The following ALDH1L1 variants were observed in gnomAD, a reference collection of about 807,000 sequenced individuals.
ALDH1L1 encodes aldehyde dehydrogenase 1 family member L1, also known as cytosolic 10-formyltetrahydrofolate dehydrogenase.
ALDH1L1 carries 68 observed loss-of-function variants against 101.1 expected under a neutral mutation model. The observed-to-expected ratio is 0.67, with a 90% CI of 0.55 to 0.82. ALDH1L1 has a LOEUF of 0.82. ALDH1L1 is among the 40% of genes least tolerant of loss of function. The pLI is 0.00. For missense variants in ALDH1L1, 1,087 were observed against 1,172.7 expected (o/e 0.93, Z 1.07); for synonymous variants, 486 against 470.8 (o/e 1.03, Z -0.42).
At chr3:126,125,589 C>T in intron 15 of ALDH1L1, 27 bp downstream of exon 15, 1 of 1,477,740 alleles carries the variant, frequency 6.8e-7, no homozygotes, top group South Asian at 1.4e-5. Flanking sequence ...GGCCTGCAGG[C>T]CCTGTCCAGA....
At chr3:126,133,576 G>A (rs1056328889) in intron 12 of ALDH1L1, among the ~76,000 whole-genome samples, 2 of 152,198 alleles carry the variant, frequency 1.3e-5, no homozygotes, top group East Asian at 3.8e-4. Context: ...CATCACCCGA[G>A]TGCACTATTC....
At chr3:126,153,248 T>C (rs2080839618) in intron 7 of ALDH1L1, 196 bp downstream of exon 7, 1 of 772,320 alleles carries the variant, frequency 1.3e-6, no homozygotes, top group Non-Finnish European at 2.1e-6. Context: ...AACAGAGAAG[T>C]GGGTAAACTG....
At chr3:126,144,233 C>T (rs1380984465) in intron 9 of ALDH1L1, among the ~76,000 whole-genome samples, 1 of 152,100 alleles carries the variant, frequency 6.6e-6, no homozygotes, top group African/African-American at 2.4e-5. Context: ...AAATAGAAAG[C>T]CATCTGTGTT....
intron 6 of ALDH1L1, 90 bp downstream of exon 6, chr3:126,154,464 A>G (rs1270865126): frequency 7.5e-7 from 1 of 1,334,472 alleles, no homozygotes; most frequent in East Asian, 2.3e-5. Context: ...GCTATTTATT[A>G]TACCAACCAG....
intron 16 of ALDH1L1, among the ~76,000 whole-genome samples, chr3:126,121,421 T>G (rs2080077241): frequency 6.6e-6 from 1 of 152,152 alleles, no homozygotes; most frequent in African/African-American, 2.4e-5. Context: ...AAAAACAACT[T>G]GGCAATTGTT....
chr3:126,159,251 A>T, intron 2 of ALDH1L1: 2 of 371,732 alleles, frequency 5.4e-6, no homozygotes, highest in Admixed American at 3.5e-5. Flanking sequence ...CACACACCCC[A>T]GAGGACCAGA....
intron 14 of ALDH1L1, among the ~76,000 whole-genome samples, chr3:126,126,780 G>T (rs2080195550): frequency 6.6e-6 from 1 of 152,230 alleles, no homozygotes; most frequent in Admixed American, 6.5e-5. Context: ...AATCTCCAGA[G>T]TCTAATGGCA....
At chr3:126,114,896 C>T (rs898863079) in intron 17 of ALDH1L1, 4 of 575,594 alleles carry the variant, frequency 6.9e-6, no homozygotes, top group Non-Finnish European at 9.9e-6. Flanking sequence ...CTTCCTGCTG[C>T]CCACTCCACA....
intron 22 of ALDH1L1, chr3:126,105,415 G>A: frequency 2.5e-6 from 1 of 398,200 alleles, no homozygotes; most frequent in Non-Finnish European, 4.8e-6. Flanking sequence ...GGTCTTCATG[G>A]CCAACTCCTC....
At chr3:126,186,863 C>T (rs1156556995) in intron 1 of ALDH1L1, among the ~76,000 whole-genome samples, 4 of 152,110 alleles carry the variant, frequency 2.6e-5, no homozygotes, top group Admixed American at 6.5e-5. Context: ...GAAGTAGCTG[C>T]AAAAGTGCTG....
Position 126,131,424 on chromosome 3 carries a change from T to C in ALDH1L1, c.1583A>G (p.Gln528Arg), listed in dbSNP as rs866451446. ...CCAGCCAGCAAAGTAGCGGAAGGTC[T>C]GGATGGACATGCCCACGTGGGTCTT... ...ALKTHVGMSIQTFRYFAGWCD... is the reference protein window; with the variant it reads ...ALKTHVGMSIRTFRYFAGWCD... Residue 528 changes from glutamine (Q) to arginine (R), a missense_variant, in exon 13 of 23, where the codon CAG (glutamine) becomes CGG (arginine). Transcript: ENST00000393434. 1 of 1,612,618 alleles carries C rather than the reference T, an allele frequency of 6.2e-7. No individual in the cohort carries two copies. Among genetic ancestry groups the C allele is most frequent in the African/African-American group, 1.3e-5 (1 of 75,044 alleles).
intron 4 of ALDH1L1, chr3:126,156,559 G>C (rs4646706): frequency 0.22 from 33,834 of 152,236 alleles, 4,407 homozygotes; most frequent in East Asian, 0.33. Flanking sequence ...GCCTGTCCTC[G>C]GGCAGGGGCA....
chr3:126,172,756 AC>A (rs751360112), intron 1 of ALDH1L1, among the ~76,000 whole-genome samples: 5 of 151,568 alleles, frequency 3.3e-5, no homozygotes, highest in East Asian at 1.9e-4. Context: ...GATAAAGATC[AC>A]CCCCCACCCC....
At chr3:126,155,946 TGGGAAAGGAATCAGAGA>T (rs2080895385) in intron 4 of ALDH1L1, 1 of 152,226 alleles carries the variant, frequency 6.6e-6, no homozygotes, top group African/African-American at 2.4e-5. Context: ...AGGAAGGTGG[TGGGAAAGGAATCAGAGA>T]GGGAGAAGGA....
In ALDH1L1 at chr3:126,112,237, G is replaced by A. The variant is rs1191811214; in HGVS notation, c.2181+545C>T. Reference sequence around the variant, plus strand: ...CCACCAGATCCCCGAGGCCATGCAAGGTGGCTGCAGAGCCTGACGGGAGCT... The same window carrying A: ...CCACCAGATCCCCGAGGCCATGCAAAGTGGCTGCAGAGCCTGACGGGAGCT... On this transcript the variant is annotated intron_variant, in intron 19 of 22. Transcript: ENST00000393434. 2.0e-5 allele frequency among the ~76,000 whole-genome samples: 3 copies of A among 152,344 alleles called. No homozygotes were observed. The East Asian group carries it at 5.8e-4, about 29-fold the overall frequency.
At chr3:126,106,464 G>A (rs1945874493) in intron 21 of ALDH1L1, among the ~76,000 whole-genome samples, 1 of 152,204 alleles carries the variant, frequency 6.6e-6, no homozygotes, top group Non-Finnish European at 1.5e-5. Context: ...GTGACAGCAT[G>A]GGCCTCAGTG....
intron 9 of ALDH1L1, among the ~76,000 whole-genome samples, chr3:126,141,592 A>G (rs924447058): frequency 6.6e-6 from 1 of 152,100 alleles, no homozygotes; most frequent in African/African-American, 2.4e-5. Flanking sequence ...GAGCTAGCAC[A>G]CTCTTAAACA....
upstream of ALDH1L1, among the ~76,000 whole-genome samples, chr3:126,182,596 T>C (rs370797837): frequency 3.3e-5 from 5 of 152,128 alleles, no homozygotes; most frequent in Non-Finnish European, 5.9e-5. Context: ...ATATAATCTG[T>C]AGGAAAACTG....
At chr3:126,154,820 A>G (rs1325647031) in intron 5 of ALDH1L1, among the ~76,000 whole-genome samples, 177 bp from the exon 6 acceptor site, 2 of 152,156 alleles carry the variant, frequency 1.3e-5, no homozygotes, top group African/African-American at 4.8e-5. Flanking sequence ...TCTGACCCTC[A>G]GTCTCTCATG....
Sources: gnomAD v4.1 joint callset for allele counts (sites outside exome capture counted in the v4.1 genomes callset) on GRCh38, gnomAD v4.1.1 for gene constraint, MANE v1.5 for transcripts, NCBI Gene and HGNC (gene_info 2026-07-23, HGNC 2026-07-21) for gene names.